ANK2: variants seen among roughly 807,000 people sequenced by gnomAD.
ANK2 encodes ankyrin-2.
A neutral mutation model predicts 360.5 loss-of-function variants in ANK2; 83 were observed. That is an observed-to-expected ratio of 0.23 (90% CI 0.19 to 0.28). The LOEUF is 0.28. Among genes scored for constraint, ANK2 ranks in the 10% least tolerant of loss-of-function variants. The pLI is 1.00. For missense variants in ANK2, 4,201 were observed against 4,795.7 expected (o/e 0.88, Z 3.66); for synonymous variants, 1,740 against 1,759.5 (o/e 0.99, Z 0.28).
At chr4:113,306,600 A>T (rs1317351821) in intron 23 of ANK2, among the ~76,000 whole-genome samples, 1 of 152,242 alleles carries the variant, frequency 6.6e-6, no homozygotes, top group Non-Finnish European at 1.5e-5. Context: ...GAAAAGAGAA[A>T]GCATTTACTA....
chr4:113,072,332 C>T (rs1036935016), intron 1 of ANK2, among the ~76,000 whole-genome samples: 6 of 152,140 alleles, frequency 3.9e-5, no homozygotes, highest in Admixed American at 6.6e-5. Context: ...CAGGACATCT[C>T]CAGCATGTAG....
the ANK2 span, among the ~76,000 whole-genome samples, chr4:112,802,025 G>T: frequency 0.021 from 3,206 of 152,034 alleles, 116 homozygotes; most frequent in African/African-American, 0.073. Flanking sequence ...TATTTTCCAG[G>T]ATCTGGTGAC....
At chr4:112,802,445 G>T in the ANK2 span, among the ~76,000 whole-genome samples, 1 of 152,236 alleles carries the variant, frequency 6.6e-6, no homozygotes, top group South Asian at 2.1e-4. Flanking sequence ...CATAATGCTT[G>T]CTCCTTCCCA....
In ANK2 at chr4:113,311,276, A is replaced by G; in HGVS notation, c.2570A>G (p.Asp857Gly). The G allele has an allele frequency of 1.2e-6, 2 of 1,614,082 alleles. No homozygotes were observed. The highest frequency in any genetic ancestry group is 1.7e-6 in the Non-Finnish European group (2 of 1,180,018). ...DEEGDDTMTG[D>G]GGEYLRPEDL... ...CAAGGTGATGACACAATGACTGGTG[A>G]TGGGGGAGAATACCTTAGGCCTGAG... Residue 857 changes from aspartate to glycine, a missense_variant, in exon 24 of 46, where the codon GAT becomes GGT. This residue lies in a region of ANK2 where 1,268 missense variants were observed against 1,650.8 expected (regional missense o/e 0.77). Coordinates refer to ENST00000357077, the MANE Select transcript of ANK2 (RefSeq NM_001148.6).
At chr4:113,216,915 T>C (rs1202664671) in intron 4 of ANK2, 10 of 152,110 alleles carry the variant, frequency 6.6e-5, no homozygotes, top group Admixed American at 6.5e-5. Context: ...AGGAAAGGCT[T>C]GCTATAGAAC....
chr4:112,907,400 AT>A (rs1281735527), intron 2 of ANK2, among the ~76,000 whole-genome samples: 1 of 152,162 alleles, frequency 6.6e-6, no homozygotes, highest in African/African-American at 2.4e-5. Context: ...CTGCAAAACC[AT>A]TTTGAAAAAT....
At chr4:113,235,592 C>A (rs2099365632) in intron 5 of ANK2, among the ~76,000 whole-genome samples, 1 of 151,962 alleles carries the variant, frequency 6.6e-6, no homozygotes, top group South Asian at 2.1e-4. Context: ...CCACATTCAT[C>A]TAATTTTTTC....
At chr4:113,055,019 A>G (rs2068923215) in intron 1 of ANK2, among the ~76,000 whole-genome samples, 1 of 152,126 alleles carries the variant, frequency 6.6e-6, no homozygotes, top group African/African-American at 2.4e-5. Flanking sequence ...CTTAGGACCC[A>G]CTTCAGACCT....
At chr4:113,069,074 A>G (rs2076629785) in intron 1 of ANK2, among the ~76,000 whole-genome samples, 1 of 151,472 alleles carries the variant, frequency 6.6e-6, no homozygotes, top group Non-Finnish European at 1.5e-5. Flanking sequence ...AAAAGAAAAG[A>G]AGAGAAAAGA....
At chr4:113,160,246 A>G in intron 1 of ANK2, 1 of 286,154 alleles carries the variant, frequency 3.5e-6, no homozygotes, top group Non-Finnish European at 6.8e-6. Context: ...AAATTAATAA[A>G]TAGAGACAGG....
chr4:112,847,345 G>A lies in ANK2; in HGVS notation c.-40+29081G>A, dbSNP rs73844516. On this transcript the variant is annotated intron_variant, in intron 1 of 30. Transcript: ENST00000503271. Reference sequence around the variant, plus strand: ...CAGTGGTATTGTTACTCAGTTGTTCGAACTAGAAATCTCAATCATTCTTGA... The same window carrying A: ...CAGTGGTATTGTTACTCAGTTGTTCAAACTAGAAATCTCAATCATTCTTGA... Among the ~76,000 whole-genome samples the A allele has an allele frequency of 8.5e-3, 1,292 of 152,180 alleles. 20 individuals carry two copies. Among genetic ancestry groups the A allele is most frequent in the African/African-American group, 0.03 (1,232 of 41,500 alleles).
chr4:112,963,688 A>G (rs2035906011), intron 2 of ANK2, among the ~76,000 whole-genome samples: 1 of 152,156 alleles, frequency 6.6e-6, no homozygotes, highest in Non-Finnish European at 1.5e-5. Flanking sequence ...ATTCTTACAT[A>G]GTTCCTTCAG....
At chr4:112,762,692 TAG>T in the ANK2 span, among the ~76,000 whole-genome samples, 3 of 152,148 alleles carry the variant, frequency 2.0e-5, no homozygotes, top group Admixed American at 6.5e-5. Context: ...GTATTTTTGG[TAG>T]AGAGTGGGTT....
chr4:113,330,733 T>G (rs914495652), intron 27 of ANK2, among the ~76,000 whole-genome samples: 1 of 152,324 alleles, frequency 6.6e-6, no homozygotes, highest in Non-Finnish European at 1.5e-5. Flanking sequence ...AGACCCCCAA[T>G]GTGAATAACC....
At chr4:112,936,399 G>A (rs547097996) in intron 2 of ANK2, among the ~76,000 whole-genome samples, 307 of 151,380 alleles carry the variant, frequency 2.0e-3, no homozygotes, top group African/African-American at 7.1e-3. Context: ...AGGCTGGAGT[G>A]TAGTGGCGTG....
At chr4:113,338,543 C>G (rs1415644395) in intron 31 of ANK2, among the ~76,000 whole-genome samples, 1 of 96,118 alleles carries the variant, frequency 1.0e-5, no homozygotes, top group Non-Finnish European at 1.9e-5. Flanking sequence ...AGATTGTTCA[C>G]TTTTTTTTTT....
intron 1 of ANK2, among the ~76,000 whole-genome samples, chr4:113,073,866 T>C (rs1487185017): frequency 6.6e-6 from 1 of 152,216 alleles, no homozygotes; most frequent in African/African-American, 2.4e-5. Flanking sequence ...GCAAAAAGTA[T>C]GCCCTACGTT....
chr4:113,101,606 G>A (rs78244127), intron 1 of ANK2, among the ~76,000 whole-genome samples: 2,434 of 152,070 alleles, frequency 0.016, 64 homozygotes, highest in African/African-American at 0.054. Flanking sequence ...CATATAACAC[G>A]TCAGTTAATG....
At chr4:113,109,574 A>G (rs1199642144) in intron 1 of ANK2, among the ~76,000 whole-genome samples, 1 of 152,156 alleles carries the variant, frequency 6.6e-6, no homozygotes, top group Non-Finnish European at 1.5e-5. Flanking sequence ...GACCTTCGAT[A>G]TCTGCCTTCT....
Sources: allele counts gnomAD v4.1 joint callset (sites outside exome capture counted in the v4.1 genomes callset), GRCh38; gene constraint gnomAD v4.1.1; regional missense constraint gnomAD v4.1.1; transcripts MANE v1.5; gene names NCBI Gene and HGNC (gene_info 2026-07-23, HGNC 2026-07-21).